Variants in RNPS1 observed in about 807,000 individuals in gnomAD.
RNPS1 encodes RNA binding protein with serine rich domain 1, also known as RNA-binding protein with serine-rich domain 1.
For missense variants in RNPS1, 300 were observed against 427.6 expected (o/e 0.70, Z 2.63); for synonymous variants, 147 against 150.0 (o/e 0.98, Z 0.15).
chr16:2,259,827 T>C (rs1012444077), intron 6 of RNPS1, among the ~76,000 whole-genome samples: 18 of 152,134 alleles, frequency 1.2e-4, no homozygotes. Flanking sequence ...AGGTGGAGCT[T>C]GCAGTGAGCC....
In RNPS1 at chr16:2,263,098, G is replaced by C. The variant is rs762689424; in HGVS notation, c.417C>G (p.Ser139=). The change falls in exon 4 of 8, where the codon TCC becomes TCG. Residue 139 remains serine (S), a splice_region_variant and synonymous_variant. Coordinates refer to ENST00000320225, the MANE Select transcript of RNPS1 (RefSeq NM_080594.4). ...RRHDNRRRSR[S]KSKPPKRDEK... is the part of the protein sequence containing the mutation. Reference sequence around the variant, plus strand: ...GCTCCCAGGCGCAGGGCACTCACTTGGAGCGGGAGCGCCTCCTGTTGTCGT... The same window carrying C: ...GCTCCCAGGCGCAGGGCACTCACTTCGAGCGGGAGCGCCTCCTGTTGTCGT... The C allele has an allele frequency of 2.5e-6, 4 of 1,612,186 alleles. No individual in the cohort carries two copies. The highest frequency in any genetic ancestry group is 3.4e-6 in the Non-Finnish European group (4 of 1,179,666).
At chr16:2,263,757 C>T (rs1027708378) in intron 3 of RNPS1, 1 of 256,702 alleles carries the variant, frequency 3.9e-6, no homozygotes. Context: ...GGAGTACAGG[C>T]GTGTACCACC....
intron 1 of RNPS1, chr16:2,265,149 G>A (rs1596815019): frequency 6.5e-6 from 1 of 153,674 alleles, no homozygotes. Context: ...TCTCCAGATA[G>A]GATTAGATCT....
At chr16:2,266,048 C>CTAGA in intron 1 of RNPS1, 1 of 916,434 alleles carries the variant, frequency 1.1e-6, no homozygotes, top group South Asian at 5.0e-5. Context: ...AGGCTCTGCA[C>CTAGA]AAGCTGCAGG....
intron 6 of RNPS1, chr16:2,258,554 A>C (rs1366789707): frequency 6.6e-6 from 1 of 151,592 alleles, no homozygotes; most frequent in Non-Finnish European, 1.5e-5. Flanking sequence ...GTGAAACCCC[A>C]TCTCTACTAA....
At chr16:2,262,061 C>T in intron 6 of RNPS1, 1 of 476,276 alleles carries the variant, frequency 2.1e-6, no homozygotes, top group East Asian at 3.2e-5. Flanking sequence ...AATAAAAACT[C>T]CACCTACTCA....
intron 7 of RNPS1, among the ~76,000 whole-genome samples, chr16:2,254,662 A>G (rs185207769): frequency 1.2e-3 from 184 of 150,542 alleles, no homozygotes; most frequent in African/African-American, 4.2e-3. Context: ...CGACCTCCTG[A>G]CCTTGTGATC....
intron 1 of RNPS1, 160 bp from the exon 2 acceptor site, chr16:2,264,920 C>A: frequency 4.8e-6 from 2 of 416,876 alleles, no homozygotes; most frequent in Non-Finnish European, 8.2e-6. Context: ...CCCATGTGCT[C>A]CTGGAGGCGT....
intron 6 of RNPS1, 175 bp from the exon 7 acceptor site, chr16:2,255,901 G>A: frequency 1.5e-6 from 1 of 658,454 alleles, no homozygotes; most frequent in South Asian, 1.8e-5. Context: ...GCTGAGGCAG[G>A]TGGATCACGA....
intron 6 of RNPS1, chr16:2,257,334 A>G (rs2093583382): frequency 6.6e-6 from 1 of 152,178 alleles, no homozygotes; most frequent in African/African-American, 2.4e-5. Flanking sequence ...GCATGTGGCT[A>G]TGTATTCAGA....
Position 2,264,779 on chromosome 16 carries a change from G to T in RNPS1, c.-117-19C>A, listed in dbSNP as rs1417174214. 17 of 1,480,474 alleles carry T rather than the reference G, an allele frequency of 1.1e-5. No homozygotes were observed. Among genetic ancestry groups the T allele is most frequent in the Non-Finnish European group, 1.4e-5 (16 of 1,122,616 alleles). 91.7% of individuals were successfully genotyped at this position (1,480,474 alleles called of 1,614,324 possible). The stretch of plus-strand genomic sequence containing the variant: ...GAGCAGCCTAATAACAAGATAAAAG[G>T]GTTTAAAGAGTGAACGAATTGGCAA... On this transcript the variant is annotated intron_variant, in intron 1 of 7. Coordinates refer to ENST00000320225, the MANE Select transcript of RNPS1 (RefSeq NM_080594.4).
chr16:2,265,949 A>C (rs1351541795), intron 1 of RNPS1: 1 of 235,726 alleles, frequency 4.2e-6, no homozygotes, highest in African/African-American at 2.3e-5. Context: ...GAATGTGCTC[A>C]AATAACGGTA....
intron 6 of RNPS1, 96 bp from the exon 7 acceptor site, chr16:2,255,822 A>C (rs1567321168): frequency 1.5e-6 from 2 of 1,331,216 alleles, no homozygotes; most frequent in Non-Finnish European, 2.1e-6. Flanking sequence ...GGACAATGAC[A>C]ATGTAAGATA....
intron 1 of RNPS1, chr16:2,267,131 T>G (rs1413195399): frequency 2.2e-5 from 21 of 938,698 alleles, no homozygotes; most frequent in Non-Finnish European, 2.7e-5. Context: ...CCTTGCTGGG[T>G]GCGGTCGAGT....
At chr16:2,256,237 G>A (rs72766671) in intron 6 of RNPS1, 43 of 163,892 alleles carry the variant, frequency 2.6e-4, no homozygotes, top group Non-Finnish European at 4.6e-4. Context: ...CAGCCTCCCA[G>A]GTCAAGAGTC....
intron 6 of RNPS1, 69 bp from the exon 7 acceptor site, chr16:2,255,795 G>A (rs1596798160): frequency 1.3e-6 from 2 of 1,504,928 alleles, no homozygotes; most frequent in East Asian, 2.3e-5. Flanking sequence ...ATGCCACAGT[G>A]AAAGACAGGC....
intron 1 of RNPS1, chr16:2,267,089 C>G: frequency 3.7e-6 from 3 of 801,422 alleles, no homozygotes; most frequent in Non-Finnish European, 3.0e-6. Context: ...CTTAAGCACT[C>G]CAAACACTAA....
At chr16:2,267,919 C>T (rs1382065908) in intron 1 of RNPS1, 136 bp downstream of exon 1, 49 of 1,530,902 alleles carry the variant, frequency 3.2e-5, no homozygotes, top group Middle Eastern at 4.6e-4. Context: ...ACTCTTTCTT[C>T]TCGGAGCCCG....
At chr16:2,267,274 C>T (rs1227184572) in intron 1 of RNPS1, 3 of 985,072 alleles carry the variant, frequency 3.0e-6, no homozygotes, top group South Asian at 4.7e-5. Context: ...TTAGTTAAAT[C>T]TCGAGGAGAG....
Sources: allele counts gnomAD v4.1 joint callset (sites outside exome capture counted in the v4.1 genomes callset), GRCh38; gene constraint gnomAD v4.1.1; transcripts MANE v1.5; gene names NCBI Gene and HGNC (gene_info 2026-07-23, HGNC 2026-07-21).